The following BOC variants were observed in gnomAD, a reference collection of about 807,000 sequenced individuals.
BOC encodes the protein brother of CDO.
A neutral mutation model predicts 112.0 loss-of-function variants in BOC; 76 were observed. The observed-to-expected ratio is 0.68, with a 90% CI of 0.56 to 0.82. The LOEUF (loss-of-function observed/expected upper bound fraction) is 0.82, where lower values mean the gene tolerates loss of function less well. Among genes scored for constraint, BOC ranks in the 40% least tolerant of loss-of-function variants. The pLI is 0.00. For synonymous variants in BOC, 580 were observed against 599.8 expected (o/e 0.97, Z 0.48); for missense variants, 1,309 against 1,511.7 (o/e 0.87, Z 2.22).
chr3:113,260,997 A>T (rs1329872973), intron 4 of BOC, among the ~76,000 whole-genome samples: 2 of 152,118 alleles, frequency 1.3e-5, no homozygotes, highest in African/African-American at 4.8e-5. Flanking sequence ...CACTGTCCTC[A>T]CATATACCTC....
At chr3:113,249,499 C>T (rs1228718888) in intron 2 of BOC, among the ~76,000 whole-genome samples, 2 of 152,224 alleles carry the variant, frequency 1.3e-5, no homozygotes, top group African/African-American at 4.8e-5. Context: ...AATAAAATCA[C>T]CTTCTAGCTA....
intron 4 of BOC, among the ~76,000 whole-genome samples, chr3:113,262,541 A>T (rs1947007684): frequency 6.6e-6 from 1 of 152,152 alleles, no homozygotes; most frequent in Admixed American, 6.6e-5. Context: ...CAGGGCTAAA[A>T]TACTTAGTCA....
intron 1 of BOC, among the ~76,000 whole-genome samples, chr3:113,213,398 C>T (rs951081046): frequency 6.6e-6 from 1 of 152,236 alleles, no homozygotes; most frequent in African/African-American, 2.4e-5. Flanking sequence ...CTTCAGTGTG[C>T]AGACATTTCT....
rs777770787 is a variant in BOC, at chr3:113,286,796, T to C, written c.3282T>C (p.Pro1094=). Residue 1094 remains proline (P), a synonymous_variant, in exon 20 of 20, where the codon CCT becomes CCC. Coordinates refer to ENST00000682979, the MANE Select transcript of BOC (RefSeq NM_001378074.1). ...TAGGGGCCTACGTAGGACAGGAACC[T>C]GGAATGCAGCTCTCCCCGGGGCCAC... ...HPVGAYVGQE[P]GMQLSPGPLV... is the part of the protein sequence containing the mutation. 8.7e-6 allele frequency: 14 copies of C among 1,612,884 alleles called. No individual in the cohort carries two copies. In the South Asian group the frequency reaches 1.4e-4, roughly 16 times the overall value.
intron 2 of BOC, among the ~76,000 whole-genome samples, chr3:113,241,176 T>C (rs1944242120): frequency 6.6e-6 from 1 of 152,184 alleles, no homozygotes; most frequent in Non-Finnish European, 1.5e-5. Flanking sequence ...TTAATGACCT[T>C]GTATTGACTG....
At chr3:113,276,147 G>A (rs919645046) in intron 9 of BOC, among the ~76,000 whole-genome samples, 8 of 152,174 alleles carry the variant, frequency 5.3e-5, no homozygotes, top group African/African-American at 1.7e-4. Context: ...ATCAGGGCAG[G>A]CCAAACGCCC....
At position 113,250,752 on chromosome 3, in the gene BOC, C is replaced by T. The variant is rs1217238094; in HGVS notation, c.295C>T (p.His99Tyr). The T allele has an allele frequency of 6.2e-6, 10 of 1,614,060 alleles. No homozygotes were observed. Among genetic ancestry groups the T allele is most frequent in the Non-Finnish European group, 6.8e-6 (8 of 1,180,032 alleles). The change falls in exon 4 of 20, where the codon CAC (histidine) becomes TAC (tyrosine). Residue 99 changes from histidine (H) to tyrosine (Y), a missense_variant. His to Tyr is a moderately conservative substitution (Grantham distance 83). Transcript: ENST00000682979. Reference protein sequence around the residue: ...GTLVITALNNHTVGRYQCVAR... With the variant: ...GTLVITALNNYTVGRYQCVAR... ...CCTCGTCATCACTGCCCTTAACAAC[C>T]ACACTGTGGGACGGTACCAGTGTGT...
At chr3:113,258,664 G>C (rs1436477038) in intron 4 of BOC, among the ~76,000 whole-genome samples, 2 of 152,124 alleles carry the variant, frequency 1.3e-5, no homozygotes, top group Non-Finnish European at 2.9e-5. Context: ...AACACAGGTG[G>C]CTTCCTAAGC....
chr3:113,249,693 C>A, intron 2 of BOC, 29 bp from the exon 3 acceptor site: 2 of 867,688 alleles, frequency 2.3e-6, no homozygotes, highest in Non-Finnish European at 3.5e-6. Context: ...TCATCATGGC[C>A]ATTGCTCTCC....
chr3:113,220,587 G>A (rs1430483115), intron 2 of BOC, among the ~76,000 whole-genome samples: 3 of 152,190 alleles, frequency 2.0e-5, no homozygotes, highest in African/African-American at 7.2e-5. Flanking sequence ...CCCAAGTTGA[G>A]TTAGGAGATG....
chr3:113,254,092 G>C (rs780258311), intron 4 of BOC, among the ~76,000 whole-genome samples: 60 of 152,280 alleles, frequency 3.9e-4, no homozygotes, highest in Non-Finnish European at 6.8e-4. Context: ...AATATTCCTG[G>C]CTGCTTCTTC....
At chr3:113,273,689 G>A (rs1289268893) in intron 8 of BOC, among the ~76,000 whole-genome samples, 1 of 152,168 alleles carries the variant, frequency 6.6e-6, no homozygotes, top group Non-Finnish European at 1.5e-5. Flanking sequence ...AGAGGTAATG[G>A]GGATGCAGAG....
chr3:113,245,830 A>G (rs1299794018), intron 2 of BOC, among the ~76,000 whole-genome samples: 1 of 152,192 alleles, frequency 6.6e-6, no homozygotes, highest in African/African-American at 2.4e-5. Flanking sequence ...TGGTCTTAGG[A>G]CATCCAAAGG....
At chr3:113,219,412 C>T (rs548404336) in intron 2 of BOC, among the ~76,000 whole-genome samples, 52 of 152,348 alleles carry the variant, frequency 3.4e-4, no homozygotes, top group African/African-American at 1.2e-3. Flanking sequence ...TCCCTGCAAT[C>T]CCCCAGCAGT....
intron 2 of BOC, among the ~76,000 whole-genome samples, chr3:113,221,109 A>G (rs762329253): frequency 6.6e-6 from 1 of 152,246 alleles, no homozygotes; most frequent in Non-Finnish European, 1.5e-5. Context: ...ATGTGACCCT[A>G]GGCAAATTAC....
intron 4 of BOC, among the ~76,000 whole-genome samples, chr3:113,256,783 A>G (rs1946272452): frequency 6.6e-6 from 1 of 151,596 alleles, no homozygotes; most frequent in African/African-American, 2.4e-5. Context: ...ATATATATGT[A>G]TAATATATTT....
At chr3:113,241,991 G>A (rs1396295366) in intron 2 of BOC, among the ~76,000 whole-genome samples, 1 of 152,116 alleles carries the variant, frequency 6.6e-6, no homozygotes, top group African/African-American at 2.4e-5. Flanking sequence ...AGGTGGGGTA[G>A]AAAGGGGAGA....
At chr3:113,270,576 G>T in intron 5 of BOC, 1 of 509,918 alleles carries the variant, frequency 2.0e-6, no homozygotes. Context: ...TCTGTTAGCT[G>T]GTTGGTTAGT....
chr3:113,234,709 T>C (rs1009799718), intron 2 of BOC, among the ~76,000 whole-genome samples: 3 of 152,212 alleles, frequency 2.0e-5, no homozygotes, highest in South Asian at 4.1e-4. Flanking sequence ...CCTGCACCTC[T>C]CATCAGGAAT....
Sources: gnomAD v4.1 joint callset for allele counts (sites outside exome capture counted in the v4.1 genomes callset) on GRCh38, gnomAD v4.1.1 for gene constraint, MANE v1.5 for transcripts, NCBI Gene and HGNC (gene_info 2026-07-23, HGNC 2026-07-21) for gene names.